Variants in SLC39A9 observed in about 807,000 individuals in gnomAD.
SLC39A9 encodes zinc transporter ZIP9.
SLC39A9 carries 14 observed loss-of-function variants against 28.4 expected under a neutral mutation model. The observed-to-expected ratio is 0.49, with a 90% confidence interval of 0.33 to 0.77. The LOEUF (loss-of-function observed/expected upper bound fraction) is 0.77. Among genes scored for constraint, SLC39A9 ranks in the 30% least tolerant of loss-of-function variants. SLC39A9 has a pLI of 0.02. For missense variants in SLC39A9, 283 were observed against 381.1 expected (o/e 0.74, Z 2.14); for synonymous variants, 119 against 149.6 (o/e 0.80, Z 1.49).
chr14:69,442,695 G>A (rs945814553), intron 3 of SLC39A9, among the ~76,000 whole-genome samples: 1 of 152,154 alleles, frequency 6.6e-6, no homozygotes, highest in African/African-American at 2.4e-5. Context: ...AGTAATGTAT[G>A]TCTTTATCAG....
chr14:69,412,433 A>ATAAATAAG (rs1555406192), intron 1 of SLC39A9, among the ~76,000 whole-genome samples: 13 of 151,568 alleles, frequency 8.6e-5, no homozygotes, highest in African/African-American at 2.7e-4. Flanking sequence ...AAATAAATAA[A>ATAAATAAG]TAAATGTATC....
intron 3 of SLC39A9, among the ~76,000 whole-genome samples, chr14:69,442,572 AC>A (rs1407032584): frequency 6.6e-6 from 1 of 152,208 alleles, no homozygotes; most frequent in African/African-American, 2.4e-5. Flanking sequence ...AAGACTGTGG[AC>A]CTTTTATTGG....
chr14:69,448,984 A>G (rs151008026), intron 3 of SLC39A9, among the ~76,000 whole-genome samples: 105 of 152,314 alleles, frequency 6.9e-4, no homozygotes, highest in African/African-American at 2.5e-3. Flanking sequence ...AAAAGGATGT[A>G]TGAATTTTTT....
In SLC39A9 at chr14:69,449,902, A is replaced by G. The variant is rs1026229169; in HGVS notation, c.404-3339A>G. ...GAGTGTTTGCTTATGCAAGAAAGGAAGGGGGCTGGGCACGGTGGCTCACAC... is the reference window on the plus strand; with the variant it reads ...GAGTGTTTGCTTATGCAAGAAAGGAGGGGGGCTGGGCACGGTGGCTCACAC... On this transcript the variant is annotated intron_variant, in intron 3 of 6. Coordinates refer to ENST00000336643, the MANE Select transcript of SLC39A9 (RefSeq NM_018375.5). 4.0e-5 allele frequency among the ~76,000 whole-genome samples: 6 copies of G among 151,876 alleles called. 1 individual carries two copies.
At chr14:69,454,763 T>G in intron 4 of SLC39A9, 49 bp from the exon 5 acceptor site, 1 of 1,458,194 alleles carries the variant, frequency 6.9e-7, no homozygotes, top group Non-Finnish European at 9.6e-7. Flanking sequence ...TACACTGTTA[T>G]TGTTGTTGTT....
intron 1 of SLC39A9, among the ~76,000 whole-genome samples, chr14:69,419,994 T>C (rs1883793835): frequency 6.6e-6 from 1 of 152,248 alleles, no homozygotes; most frequent in Admixed American, 6.5e-5. Context: ...TGAGCCCATT[T>C]ACATTTAAGA....
chr14:69,406,161 A>G (rs578034294), intron 1 of SLC39A9, among the ~76,000 whole-genome samples: 19 of 152,354 alleles, frequency 1.2e-4, no homozygotes, highest in African/African-American at 4.3e-4. Flanking sequence ...CTTCCACAGT[A>G]TATCTCATGC....
chr14:69,439,898 T>A (rs1056299494), intron 2 of SLC39A9, among the ~76,000 whole-genome samples: 1 of 152,132 alleles, frequency 6.6e-6, no homozygotes, highest in Non-Finnish European at 1.5e-5. Flanking sequence ...CAAATAAACC[T>A]TAATAGAACG....
In SLC39A9 at chr14:69,407,331, T is replaced by C. The variant is rs138645295; in HGVS notation, c.96+7866T>C. On this transcript the variant is annotated intron_variant, in intron 1 of 6. Transcript: ENST00000336643. Reference sequence around the variant, plus strand: ...TCCTTCCTTCCTTCCTTCCTTCCTTTCTTCCTTCCTTTCTTCTTTCCTTCC... The same window carrying C: ...TCCTTCCTTCCTTCCTTCCTTCCTTCCTTCCTTCCTTTCTTCTTTCCTTCC... Among the ~76,000 whole-genome samples, 344 of 134,050 alleles carry C rather than the reference T, an allele frequency of 2.6e-3. 1 individual carries two copies. The highest frequency in any genetic ancestry group is 3.8e-3 in the Non-Finnish European group (230 of 61,060). The allele number at this position is 134,050 out of a possible 152,430, so 87.9% of individuals were successfully genotyped here.
chr14:69,430,725 T>A (rs34625331), intron 2 of SLC39A9, among the ~76,000 whole-genome samples: 18,844 of 151,320 alleles, frequency 0.12, 1,287 homozygotes, highest in East Asian at 0.18. Context: ...TGAACTCCTG[T>A]GCTCAAACAA....
At chr14:69,435,116 T>C (rs545541837) in intron 2 of SLC39A9, among the ~76,000 whole-genome samples, 1 of 152,350 alleles carries the variant, frequency 6.6e-6, no homozygotes, top group African/African-American at 2.4e-5. Flanking sequence ...CTTTGCTGAT[T>C]TTCTGCTTCT....
At chr14:69,435,477 A>AT (rs1478637828) in intron 2 of SLC39A9, among the ~76,000 whole-genome samples, 1 of 151,874 alleles carries the variant, frequency 6.6e-6, no homozygotes, top group Non-Finnish European at 1.5e-5. Flanking sequence ...TAGTTGTATC[A>AT]TTTTTTTTAA....
Position 69,458,570 on chromosome 14 carries a change from C to T in SLC39A9, c.901C>T (p.Leu301=). The T allele has an allele frequency of 3.7e-6, 6 of 1,613,518 alleles. No individual in the cohort carries two copies. Among genetic ancestry groups the T allele is most frequent in the Admixed American group, 1.7e-5 (1 of 59,952 alleles). Residue 301 remains leucine, a synonymous_variant, in exon 7 of 7, where the codon CTG becomes TTG. Coordinates refer to ENST00000336643, the MANE Select transcript of SLC39A9 (RefSeq NM_018375.5). ...LVLGCLIPLI[L]SVGHQH ...TCTGGGTTGCCTCATCCCTCTCATC[C>T]TGTCAGTAGGACACCAGCATTAAAT...
intron 1 of SLC39A9, among the ~76,000 whole-genome samples, chr14:69,405,731 A>G (rs994418966): frequency 6.6e-6 from 1 of 152,238 alleles, no homozygotes; most frequent in African/African-American, 2.4e-5. Flanking sequence ...CTAAGTTTGG[A>G]TCAAATAAAA....
At chr14:69,414,942 G>A (rs1283329173) in intron 1 of SLC39A9, among the ~76,000 whole-genome samples, 1 of 152,160 alleles carries the variant, frequency 6.6e-6, no homozygotes, top group Non-Finnish European at 1.5e-5. Flanking sequence ...CAAACATCAG[G>A]AAAATGTTTA....
chr14:69,416,926 G>C (rs1182117533), intron 1 of SLC39A9, among the ~76,000 whole-genome samples: 1 of 152,158 alleles, frequency 6.6e-6, no homozygotes, highest in Non-Finnish European at 1.5e-5. Flanking sequence ...TAGGTTGCCT[G>C]TTCACTCTGA....
In SLC39A9 at chr14:69,460,346, G is replaced by A. The variant is rs1316932526; in HGVS notation, c.*1753G>A. 1 of 985,424 alleles carries A rather than the reference G, an allele frequency of 1.0e-6. No homozygotes were observed. Among genetic ancestry groups the A allele is most frequent in the Non-Finnish European group, 1.2e-6 (1 of 829,936 alleles). 61.0% of individuals were successfully genotyped at this position (985,424 alleles called of 1,614,324 possible). On this transcript the variant is annotated 3_prime_UTR_variant, in exon 7 of 7. Coordinates refer to ENST00000336643, the MANE Select transcript of SLC39A9 (RefSeq NM_018375.5). ...AGGAAAGTAGCACAAATAGGATACA[G>A]TTGTATGTAGTCATTGGCAACAATT... is the stretch of plus-strand genomic sequence containing the variant.
intron 2 of SLC39A9, among the ~76,000 whole-genome samples, chr14:69,426,410 A>G (rs1884194661): frequency 1.5e-5 from 2 of 133,366 alleles, no homozygotes; most frequent in African/African-American, 5.4e-5. Context: ...AAGGATACAG[A>G]TAAACAGCCA....
intron 1 of SLC39A9, among the ~76,000 whole-genome samples, chr14:69,404,149 C>A (rs1882790004): frequency 1.3e-5 from 2 of 152,110 alleles, no homozygotes; most frequent in Admixed American, 6.6e-5. Flanking sequence ...TCACTTGAGC[C>A]CAGGAGTTCA....
Sources: gnomAD v4.1 joint callset for allele counts (sites outside exome capture counted in the v4.1 genomes callset) on GRCh38, gnomAD v4.1.1 for gene constraint, MANE v1.5 for transcripts, NCBI Gene and HGNC (gene_info 2026-07-23, HGNC 2026-07-21) for gene names.